The following LGALS9B variants were observed in gnomAD, a reference collection of about 807,000 sequenced individuals.
LGALS9B encodes galectin-9B.
LGALS9B carries 8 observed loss-of-function variants against 35.9 expected under a neutral mutation model. The ratio of observed to expected loss-of-function variants is 0.22; its 90% CI spans 0.13 to 0.40. LGALS9B has a LOEUF of 0.40. Among genes scored for constraint, LGALS9B ranks in the 10% least tolerant of loss-of-function variants. The pLI, the probability that LGALS9B is intolerant of heterozygous loss-of-function variation, is 1.00. For synonymous variants in LGALS9B, 42 were observed against 148.6 expected, an observed-to-expected ratio of 0.28 and a Z score of 5.22; for missense variants, 101 against 397.9, an observed-to-expected ratio of 0.25 and a Z score of 6.35.
At chr17:20,467,330 C>T in intron 1 of LGALS9B, 102 bp downstream of exon 1, 3 of 1,002,430 alleles carry the variant, frequency 3.0e-6, no homozygotes, top group Admixed American at 2.4e-5. Context: ...CTTTGGGATG[C>T]CCCCACCCCT....
chr17:20,457,460 C>T (rs1208867102), intron 3 of LGALS9B: 2 of 130,436 alleles, frequency 1.5e-5, no homozygotes, highest in African/African-American at 6.2e-5. Context: ...GTTGTTTCCC[C>T]ACTTGTGTCC....
At chr17:20,458,500 G>T (rs969831845) in intron 2 of LGALS9B, 116 bp from the exon 3 acceptor site, 1 of 1,474,144 alleles carries the variant, frequency 6.8e-7, no homozygotes, top group Non-Finnish European at 9.4e-7. Context: ...TACAACCTGC[G>T]TGGCAGAGAC....
intron 4 of LGALS9B, 139 bp from the exon 5 acceptor site, chr17:20,455,537 C>G (rs1362553700): frequency 5.7e-6 from 6 of 1,049,274 alleles, no homozygotes; most frequent in Non-Finnish European, 6.8e-6. Flanking sequence ...CACACGGAGG[C>G]GAGAGCGGAA....
At chr17:20,461,507 G>T (rs1173696855) in intron 1 of LGALS9B, among the ~76,000 whole-genome samples, 1 of 149,586 alleles carries the variant, frequency 6.7e-6, no homozygotes, top group Non-Finnish European at 1.5e-5. Context: ...CTGCATTAAA[G>T]CACAGTTCTA....
At chr17:20,464,951 C>T (rs1414314963) in intron 1 of LGALS9B, among the ~76,000 whole-genome samples, 4 of 152,178 alleles carry the variant, frequency 2.6e-5, no homozygotes, top group African/African-American at 4.8e-5. Flanking sequence ...TCTGAGAGGA[C>T]GGGGTGCGAT....
rs1297085903 is a variant in LGALS9B, at chr17:20,451,709, C to T, written c.762-66G>A. ...CTGAGCCCCATTTCCTCCCCATCATCGCCAGCCTGCCAAAAGCCAGGGGAA... is the reference window on the plus strand; with the variant it reads ...CTGAGCCCCATTTCCTCCCCATCATTGCCAGCCTGCCAAAAGCCAGGGGAA... On this transcript the variant is annotated intron_variant, in intron 9 of 10. Coordinates refer to ENST00000423676, the MANE Select transcript of LGALS9B (RefSeq NM_001367292.2). The T allele has an allele frequency of 1.9e-5, 26 of 1,377,042 alleles. No individual in the cohort carries two copies. In the South Asian group the frequency reaches 2.2e-4, roughly 12 times the overall value. The allele number at this position is 1,377,042 out of a possible 1,614,324, so 85.3% of individuals were successfully genotyped here.
At chr17:20,451,707 A>T in intron 9 of LGALS9B, 64 bp from the exon 10 acceptor site, 1 of 1,379,568 alleles carries the variant, frequency 7.2e-7, no homozygotes, top group Admixed American at 1.9e-5. Flanking sequence ...CCTCCCCATC[A>T]TCGCCAGCCT....
At chr17:20,451,199 T>C (rs1185982089) in intron 10 of LGALS9B, among the ~76,000 whole-genome samples, 2 of 149,860 alleles carry the variant, frequency 1.3e-5, no homozygotes, top group African/African-American at 4.9e-5. Context: ...AACACCTCCT[T>C]CTTGGGTCTG....
intron 1 of LGALS9B, among the ~76,000 whole-genome samples, chr17:20,466,095 T>C (rs1441209689): frequency 6.6e-6 from 1 of 151,976 alleles, no homozygotes; most frequent in Non-Finnish European, 1.5e-5. Flanking sequence ...TGGGATCCCC[T>C]CTCTGGCAGA....
chr17:20,453,166 T>A lies in LGALS9B; in HGVS notation c.577-99A>T, dbSNP rs559239438. The A allele has an allele frequency of 2.2e-4, 213 of 962,706 alleles. 15 individuals carry two copies. The East Asian group carries it at 5.0e-3, about 22-fold the overall frequency. 59.6% of individuals were successfully genotyped at this position (962,706 alleles called of 1,614,324 possible). A position where few individuals can be genotyped will look rare whatever the true frequency, so the allele number is the denominator to read the frequency against. On this transcript the variant is annotated intron_variant, in intron 6 of 10. Transcript: ENST00000423676. ...ACACGGCAGGCACCCTCCAGGGGCA[T>A]AACCAGCCCAGTGGCCCCACAGACC...
rs201260681 is a variant in LGALS9B at position 20,455,392 on chromosome 17, G to C, written c.451C>G (p.Arg151Gly). The C allele has an allele frequency of 7.4e-6, 10 of 1,357,298 alleles. 2 individuals are homozygous for C. The South Asian group carries it at 1.2e-4, about 16-fold the overall frequency. 84.1% of individuals were successfully genotyped at this position (1,357,298 alleles called of 1,614,324 possible). A position where few individuals can be genotyped will look rare whatever the true frequency, so the allele number is the denominator to read the frequency against. ...QLSYISFQNP[R>G]TVPVQPAFST... is the part of the protein sequence containing the mutation. ...AAGGCAGGCTGAACGGGGACTGTGC[G>C]GGGATTCTGTTAAAACAAAAGGCAC... The change falls in exon 5 of 11, where the codon CGC becomes GGC. Residue 151 changes from arginine to glycine, a missense_variant. Transcript: ENST00000423676.
At position 20,453,047 on chromosome 17, in the gene LGALS9B, C is replaced by A. The variant is rs376358227; in HGVS notation, c.597G>T (p.Thr199=). 1 of 1,397,274 alleles carries A rather than the reference C, an allele frequency of 7.2e-7. No individual in the cohort carries two copies. The highest frequency in any genetic ancestry group is 1.9e-5 in the Admixed American group (1 of 53,424). 86.6% of individuals were successfully genotyped at this position (1,397,274 alleles called of 1,614,324 possible). ...ACATCTGTCCAGAGGCGCTCTGCACCGTGTGGATGACTGTCTGGGTCTGGA... is the reference window on the plus strand; with the variant it reads ...ACATCTGTCCAGAGGCGCTCTGCACAGTGTGGATGACTGTCTGGGTCTGGA... The part of the protein sequence containing the change: ...PAPITQTVIH[T]VQSASGQMFS... The change falls in exon 7 of 11, where the codon ACG becomes ACT. Residue 199 remains threonine, a synonymous_variant. Coordinates refer to ENST00000423676, the MANE Select transcript of LGALS9B (RefSeq NM_001367292.2).
At chr17:20,451,959 T>A in intron 8 of LGALS9B, 76 bp from the exon 9 acceptor site, 1 of 1,348,844 alleles carries the variant, frequency 7.4e-7, no homozygotes, top group Non-Finnish European at 1.0e-6. Context: ...ATTGTACCAT[T>A]TCCCATGAAT....
In LGALS9B at chr17:20,465,940, G is replaced by A. The variant is rs574867374; in HGVS notation, c.39+1492C>T. On this transcript the variant is annotated intron_variant, in intron 1 of 10. Transcript: ENST00000423676. ...GACACCTGTGGGGGCTGCACTGATC[G>A]TCTTTCTTGTCTGAGCTCCAAGGCC... Among the ~76,000 whole-genome samples the A allele has an allele frequency of 1.0e-4, 15 of 149,520 alleles. No individual in the cohort carries two copies. In the East Asian group the frequency reaches 2.0e-3, roughly 20 times the overall value.
chr17:20,450,222 C>A (rs2142406613), intron 10 of LGALS9B, 103 bp from the exon 11 acceptor site: 1 of 491,246 alleles, frequency 2.0e-6, no homozygotes. Context: ...GTTAATAAGC[C>A]CCTCACCTGC....
Position 20,455,357 on chromosome 17 carries a change from C to T in LGALS9B, c.486G>A (p.Val162=), listed in dbSNP as rs374325096. 10 of 1,355,690 alleles carry T rather than the reference C, an allele frequency of 7.4e-6. 3 individuals are homozygous for T. Among genetic ancestry groups the T allele is most frequent in the Non-Finnish European group, 1.0e-5 (10 of 969,980 alleles). The allele number at this position is 1,355,690 out of a possible 1,614,324, so 84.0% of individuals were successfully genotyped here. Residue 162 remains valine, a synonymous_variant, in exon 5 of 11, where the codon GTG becomes GTA. Coordinates refer to ENST00000423676, the MANE Select transcript of LGALS9B (RefSeq NM_001367292.2). The stretch of plus-strand genomic sequence containing the variant: ...GGAAACAGACAGGCTGGGAGAACGG[C>T]ACCGTGGAGAAGGCAGGCTGAACGG... ...TVPVQPAFST[V]PFSQPVCFPP...
In LGALS9B at chr17:20,460,338, C is replaced by T. The variant is rs1597497001; in HGVS notation, c.131+14G>A. 2 of 1,604,366 alleles carry T rather than the reference C, an allele frequency of 1.2e-6. No homozygotes were observed. Among genetic ancestry groups the T allele is most frequent in the East Asian group, 4.5e-5 (2 of 44,778 alleles). On this transcript the variant is annotated intron_variant, in intron 2 of 10. Transcript: ENST00000423676. ...CGAGGCTGGAGTGAAACGTTTCCAT[C>T]CATATACACACACCTGGTTCCACTG...
At position 20,467,223 on chromosome 17, in the gene LGALS9B, T is replaced by C. The variant is rs1725634; in HGVS notation, c.39+209A>G. Among the ~76,000 whole-genome samples, 1,270 of 140,748 alleles carry C rather than the reference T, an allele frequency of 9.0e-3. 113 individuals carry two copies. The highest frequency in any genetic ancestry group is 0.031 in the African/African-American group (1,102 of 36,008). The allele number at this position is 140,748 out of a possible 152,430, so 92.3% of individuals were successfully genotyped here. On this transcript the variant is annotated intron_variant, in intron 1 of 10. Coordinates refer to ENST00000423676, the MANE Select transcript of LGALS9B (RefSeq NM_001367292.2). ...TCAGCCAACACTGTCAAACCCATGA[T>C]TCATGGGAGGAGCATCCCTCCAGGC...
chr17:20,461,389 A>G (rs1407397805), intron 1 of LGALS9B, among the ~76,000 whole-genome samples: 1 of 152,020 alleles, frequency 6.6e-6, no homozygotes, highest in African/African-American at 2.4e-5. Context: ...ACGCTTCACC[A>G]CTGTCACCCA....
Sources: allele counts gnomAD v4.1 joint callset (sites outside exome capture counted in the v4.1 genomes callset), GRCh38; gene constraint gnomAD v4.1.1; transcripts MANE v1.5; gene names NCBI Gene and HGNC (gene_info 2026-07-23, HGNC 2026-07-21).